Variants in COMMD10 observed in about 807,000 individuals in gnomAD.
The protein encoded by COMMD10 is COMM domain-containing protein 10.
COMMD10 carries 33 observed loss-of-function variants against 28.9 expected under a neutral mutation model. The observed-to-expected ratio is 1.14, with a 90% CI of 0.87 to 1.53. The LOEUF is 1.53. COMMD10 is among the 40% of genes most tolerant of loss of function. COMMD10 has a pLI of 0.00. For synonymous variants in COMMD10, 110 were observed against 81.7 expected (o/e 1.35, Z -1.87); for missense variants, 310 against 233.4 (o/e 1.33, Z -2.14).
intron 5 of COMMD10, among the ~76,000 whole-genome samples, chr5:116,148,676 T>C (rs927968435): frequency 6.6e-6 from 1 of 151,742 alleles, no homozygotes; most frequent in African/African-American, 2.4e-5. Context: ...ATTCTTAATA[T>C]GACACCAAAA....
chr5:116,107,368 G>A (rs1580449861), intron 4 of COMMD10, among the ~76,000 whole-genome samples: 1 of 152,016 alleles, frequency 6.6e-6, no homozygotes, highest in African/African-American at 2.4e-5. Flanking sequence ...TGGAGGCTTT[G>A]TTCATTTCTT....
intron 5 of COMMD10, among the ~76,000 whole-genome samples, chr5:116,163,575 G>A (rs573399367): frequency 3.3e-5 from 5 of 151,904 alleles, no homozygotes; most frequent in Admixed American, 6.6e-5. Flanking sequence ...GGCAACAATA[G>A]CAACACTCTG....
At chr5:116,283,642 A>C (rs1218717417) in intron 5 of COMMD10, among the ~76,000 whole-genome samples, 1 of 151,672 alleles carries the variant, frequency 6.6e-6, no homozygotes, top group African/African-American at 2.4e-5. Context: ...CCTCAAAATA[A>C]GACCTGTTAT....
At chr5:116,239,357 T>C (rs1749757085) in intron 5 of COMMD10, among the ~76,000 whole-genome samples, 2 of 152,096 alleles carry the variant, frequency 1.3e-5, no homozygotes, top group Admixed American at 1.3e-4. Flanking sequence ...TTTGTGAGAG[T>C]TATTAGAATT....
At chr5:116,254,083 A>G (rs376553269) in intron 5 of COMMD10, among the ~76,000 whole-genome samples, 11 of 152,090 alleles carry the variant, frequency 7.2e-5, no homozygotes, top group East Asian at 1.9e-4. Flanking sequence ...GTTTATTTGC[A>G]TAGAGGTGTT....
intron 5 of COMMD10, among the ~76,000 whole-genome samples, chr5:116,209,998 G>A (rs1205201393): frequency 6.6e-6 from 1 of 152,140 alleles, no homozygotes; most frequent in Non-Finnish European, 1.5e-5. Context: ...CATCTGGTAA[G>A]GGCCTTCTTG....
At position 116,189,983 on chromosome 5, in the gene COMMD10, A is replaced by G. The variant is rs754942811; in HGVS notation, c.510+55805A>G. 1.7e-4 allele frequency among the ~76,000 whole-genome samples: 26 copies of G among 152,160 alleles called. 1 individual carries two copies. Among genetic ancestry groups the G allele is most frequent in the Non-Finnish European group, 3.7e-4 (25 of 68,026 alleles). On this transcript the variant is annotated intron_variant, in intron 5 of 6. Coordinates refer to ENST00000274458, the MANE Select transcript of COMMD10 (RefSeq NM_016144.4). ...TCTTTCCCTTTCCTGCTCTTAGAGT[A>G]GGGCTACCTCCACCAATTCAGAGGT...
At chr5:116,170,625 T>G (rs1209306481) in intron 5 of COMMD10, among the ~76,000 whole-genome samples, 1 of 152,162 alleles carries the variant, frequency 6.6e-6, no homozygotes, top group Non-Finnish European at 1.5e-5. Context: ...ATGGTACTGG[T>G]ACCAAAACAG....
In COMMD10 at chr5:116,099,003, C is replaced by T. The variant is rs564406822; in HGVS notation, c.399+6303C>T. 1.1e-4 allele frequency among the ~76,000 whole-genome samples: 16 copies of T among 152,232 alleles called. No individual in the cohort carries two copies. In the South Asian group the frequency reaches 3.1e-3, roughly 30 times the overall value. ...CGTGAGGACATTTAAGATCTACTGT[C>T]TTTGAAAACTTAAAGTAAACAACGT... is the stretch of plus-strand genomic sequence containing the variant. On this transcript the variant is annotated intron_variant, in intron 4 of 6. Transcript: ENST00000274458.
intron 5 of COMMD10, among the ~76,000 whole-genome samples, chr5:116,155,113 G>T (rs1369886745): frequency 6.6e-6 from 1 of 152,072 alleles, no homozygotes; most frequent in Non-Finnish European, 1.5e-5. Context: ...GGCATACATT[G>T]ACTGAGTAAA....
intron 2 of COMMD10, among the ~76,000 whole-genome samples, chr5:116,089,059 A>G (rs1750214215): frequency 6.6e-6 from 1 of 152,164 alleles, no homozygotes; most frequent in Non-Finnish European, 1.5e-5. Flanking sequence ...TTTTCTAAGG[A>G]ATTTGTGAGG....
At chr5:116,270,739 C>A (rs2112696636) in intron 5 of COMMD10, among the ~76,000 whole-genome samples, 1 of 151,794 alleles carries the variant, frequency 6.6e-6, no homozygotes, top group South Asian at 2.1e-4. Flanking sequence ...GAGCTCACGA[C>A]CAGCCTGACG....
chr5:116,179,369 T>TA (rs1747866338), intron 5 of COMMD10, among the ~76,000 whole-genome samples: 1 of 152,164 alleles, frequency 6.6e-6, no homozygotes, highest in South Asian at 2.1e-4. Context: ...TGCCCAGAGT[T>TA]ACACTACTGG....
At chr5:116,137,936 A>T (rs1261550235) in intron 5 of COMMD10, among the ~76,000 whole-genome samples, 2 of 151,964 alleles carry the variant, frequency 1.3e-5, no homozygotes, top group African/African-American at 2.4e-5. Context: ...TGTTCCACAG[A>T]TACCTCAAAT....
At chr5:116,236,475 G>A (rs1456214397) in intron 5 of COMMD10, among the ~76,000 whole-genome samples, 3 of 138,590 alleles carry the variant, frequency 2.2e-5, no homozygotes, top group Non-Finnish European at 3.0e-5. Context: ...CTGCACTCTA[G>A]CCTGGGTGAC....
intron 5 of COMMD10, among the ~76,000 whole-genome samples, chr5:116,279,594 C>T (rs1422502): frequency 0.014 from 2,189 of 151,854 alleles, 81 homozygotes; most frequent in African/African-American, 0.046. Context: ...AGCTGAAATT[C>T]AGGTGAAAAT....
At chr5:116,196,739 A>T (rs1052050378) in intron 5 of COMMD10, among the ~76,000 whole-genome samples, 3 of 131,636 alleles carry the variant, frequency 2.3e-5, no homozygotes, top group African/African-American at 1.2e-4. Context: ...TGTGTATATG[A>T]ATGGCTTTTC....
At chr5:116,106,877 A>G (rs375658352) in intron 4 of COMMD10, among the ~76,000 whole-genome samples, 3 of 152,034 alleles carry the variant, frequency 2.0e-5, no homozygotes, top group South Asian at 4.2e-4. Context: ...GTGTCTTTGC[A>G]TGTGAGATGG....
At position 116,182,318 on chromosome 5, in the gene COMMD10, AGAGAAAG is replaced by A. The variant is rs1747995018; in HGVS notation, c.510+48141_510+48147del. 3.9e-5 allele frequency among the ~76,000 whole-genome samples: 3 copies of A among 77,466 alleles called. No homozygotes were observed. In the South Asian group the frequency reaches 8.5e-4, roughly 22 times the overall value. The allele number at this position is 77,466 out of a possible 152,430, so 50.8% of individuals were successfully genotyped here. A position where few individuals can be genotyped will look rare whatever the true frequency, so the allele number is the denominator to read the frequency against. ...GATGGAAGGCAGGGAGGGAGGTGAA[AGAGAAAG>A]AGGAGAGAAATTAAGAACAATAGGT... On this transcript the variant is annotated intron_variant, in intron 5 of 6. Transcript: ENST00000274458.
Sources: allele counts gnomAD v4.1 joint callset (sites outside exome capture counted in the v4.1 genomes callset), GRCh38; gene constraint gnomAD v4.1.1; transcripts MANE v1.5; gene names NCBI Gene and HGNC (gene_info 2026-07-23, HGNC 2026-07-21).